The following SPIN2A variants were observed in gnomAD, a reference collection of about 807,000 sequenced individuals.
SPIN2A encodes spindlin family member 2A.
A neutral mutation model predicts 9.2 loss-of-function variants in SPIN2A; 4 were observed. That is an observed-to-expected ratio of 0.44 (90% confidence interval 0.21 to 1.00). The LOEUF is 1.00. Among genes scored for constraint, SPIN2A ranks in the 50% least tolerant of loss-of-function variants. The probability of loss-of-function intolerance (pLI) is 0.26; values close to 1 mark genes in which losing one functional copy is unlikely to be tolerated. For synonymous variants in SPIN2A, 25 were observed against 61.2 expected (o/e 0.41, Z 2.76); for missense variants, 77 against 172.8 (o/e 0.45, Z 3.11).
chrX:57,138,634 C>T (rs1927910005), upstream of SPIN2A, among the ~76,000 whole-genome samples: 1 of 111,028 alleles, frequency 9.0e-6, no homozygotes, highest in South Asian at 3.8e-4. Flanking sequence ...GGAGGAACTA[C>T]CACGCTGTTT....
the SPIN2A span, among the ~76,000 whole-genome samples, chrX:57,145,951 G>A: frequency 9.0e-6 from 1 of 110,961 alleles, no homozygotes; most frequent in Admixed American, 9.6e-5. Context: ...TGCTGTTTTG[G>A]TGACTATGGC....
chrX:57,139,669 T>C (rs1927945082), upstream of SPIN2A, among the ~76,000 whole-genome samples: 1 of 111,423 alleles, frequency 9.0e-6, no homozygotes, highest in African/African-American at 3.3e-5. Flanking sequence ...TTAGCCAGGA[T>C]GGTCTCGATC....
At chrX:57,138,350 A>G (rs1172709865), upstream of SPIN2A, among the ~76,000 whole-genome samples, 1 of 111,219 alleles carries the variant, frequency 9.0e-6, no homozygotes, top group Non-Finnish European at 1.9e-5. Context: ...TAAAAACAAT[A>G]TGTTGGCTAA....
the SPIN2A span, among the ~76,000 whole-genome samples, chrX:57,146,893 C>T: frequency 9.0e-6 from 1 of 111,731 alleles, no homozygotes; most frequent in Non-Finnish European, 1.9e-5. Context: ...GCTAAACCAT[C>T]CCTGATTCCC....
chrX:57,136,414 CTCCT>C lies in SPIN2A; in HGVS notation c.180_183del (p.Gly61MetfsTer17). ...CCTTTCCACTGCGTGATGGGCTCAT[CTCCT>C]TCCTTCCATCCATGAGAAATTCTGC... On this transcript the variant is annotated frameshift_variant, in exon 2 of 2. Coordinates refer to ENST00000374906, the MANE Select transcript of SPIN2A (RefSeq NM_019003.5). LOFTEE classifies it high-confidence loss of function. 1.3e-6 allele frequency: 1 copy of C among 776,989 alleles called. No homozygotes were observed. The highest frequency in any genetic ancestry group is 1.8e-6 in the Non-Finnish European group (1 of 554,412). 64.0% of individuals were successfully genotyped at this position (776,989 alleles called of 1,213,427 possible).
At chrX:57,137,017 T>G (rs759841732) in intron 1 of SPIN2A, 154 of 841,729 alleles carry the variant, frequency 1.8e-4, no homozygotes, top group African/African-American at 1.3e-3. Context: ...CACTTCCCTG[T>G]TACCTACCTC....
At chrX:57,142,284 A>T (rs1364901279), upstream of SPIN2A, among the ~76,000 whole-genome samples, 1 of 111,410 alleles carries the variant, frequency 9.0e-6, no homozygotes, top group Admixed American at 9.5e-5. Flanking sequence ...TGTGTTCTGT[A>T]GGTTTTGGTA....
At chrX:57,134,378 G>A (rs1273263958), downstream of SPIN2A, among the ~76,000 whole-genome samples, 3 of 111,608 alleles carry the variant, frequency 2.7e-5, no homozygotes, top group Non-Finnish European at 5.6e-5. Flanking sequence ...GTGCCTGTGA[G>A]GGGTCTGCAG....
upstream of SPIN2A, among the ~76,000 whole-genome samples, chrX:57,139,105 G>A (rs1212890620): frequency 8.9e-6 from 1 of 112,121 alleles, no homozygotes; most frequent in African/African-American, 3.2e-5. Flanking sequence ...GTGCTTTGAG[G>A]TCTTACTCAA....
At chrX:57,138,210 G>GT (rs1348477240), upstream of SPIN2A, among the ~76,000 whole-genome samples, 3 of 111,211 alleles carry the variant, frequency 2.7e-5, no homozygotes, top group African/African-American at 6.5e-5. Context: ...ATTTTTGTGT[G>GT]TTTTTTTGTG....
downstream of SPIN2A, chrX:57,134,392 C>G (rs1212344075): frequency 9.0e-6 from 1 of 111,392 alleles, no homozygotes; most frequent in Non-Finnish European, 1.9e-5. Context: ...TCTGCAGACA[C>G]CAGCTTTGTG....
At chrX:57,142,205 T>G (rs1773255638), upstream of SPIN2A, among the ~76,000 whole-genome samples, 1 of 112,319 alleles carries the variant, frequency 8.9e-6, no homozygotes. Context: ...GGTTGTTTAT[T>G]TGAAGTTTTT....
At chrX:57,143,200 C>T in the SPIN2A span, among the ~76,000 whole-genome samples, 1 of 109,798 alleles carries the variant, frequency 9.1e-6, no homozygotes, top group Non-Finnish European at 1.9e-5. Flanking sequence ...TATTTCTGTC[C>T]TTCTTTGTGT....
upstream of SPIN2A, among the ~76,000 whole-genome samples, chrX:57,140,417 C>CAAAA (rs60570721): frequency 0.058 from 3,747 of 64,650 alleles, 393 homozygotes; most frequent in African/African-American, 0.22. Flanking sequence ...CCATCTCTAC[C>CAAAA]AAAAAAAAAA....
At chrX:57,140,417 CA>C (rs60570721), upstream of SPIN2A, among the ~76,000 whole-genome samples, 1,166 of 64,756 alleles carry the variant, frequency 0.018, 7 homozygotes, top group East Asian at 0.053. Context: ...CCATCTCTAC[CA>C]AAAAAAAAAA....
At chrX:57,140,819 G>T (rs1927982488), upstream of SPIN2A, among the ~76,000 whole-genome samples, 1 of 111,209 alleles carries the variant, frequency 9.0e-6, no homozygotes, top group Admixed American at 9.6e-5. Context: ...TAGACACTAG[G>T]ATTTCCAAAA....
chrX:57,147,075 T>C, the SPIN2A span, among the ~76,000 whole-genome samples: 1 of 111,653 alleles, frequency 9.0e-6, no homozygotes, highest in African/African-American at 3.3e-5. Context: ...TGATACTCAC[T>C]TCACAGAATG....
chrX:57,145,085 G>A, the SPIN2A span, among the ~76,000 whole-genome samples: 1 of 111,431 alleles, frequency 9.0e-6, no homozygotes, highest in Admixed American at 9.5e-5. Flanking sequence ...TAGTGGGATT[G>A]CTGGATCAAA....
At chrX:57,145,086 C>A in the SPIN2A span, among the ~76,000 whole-genome samples, 3 of 111,500 alleles carry the variant, frequency 2.7e-5, no homozygotes, top group Middle Eastern at 4.6e-3. Flanking sequence ...AGTGGGATTG[C>A]TGGATCAAAT....
Sources: allele counts gnomAD v4.1 joint callset (sites outside exome capture counted in the v4.1 genomes callset), GRCh38; gene constraint gnomAD v4.1.1; transcripts MANE v1.5; gene names NCBI Gene and HGNC (gene_info 2026-07-23, HGNC 2026-07-21).